The following NUCKS1 variants were observed in gnomAD, a reference collection of about 807,000 sequenced individuals.
NUCKS1 encodes nuclear ubiquitous casein and cyclin-dependent kinase substrate 1.
Under a neutral mutation model 33.0 loss-of-function variants are expected in NUCKS1, and 2 were observed. The observed-to-expected ratio is 0.06, with a 90% CI of 0.02 to 0.19. The LOEUF is 0.19. NUCKS1 is among the 10% of genes least tolerant of loss of function. NUCKS1 has a pLI of 1.00. For synonymous variants in NUCKS1, 106 were observed against 102.8 expected (o/e 1.03, Z -0.19); for missense variants, 201 against 293.6 (o/e 0.68, Z 2.31).
chr1:205,722,149 C>T (rs1671929960), intron 4 of NUCKS1, among the ~76,000 whole-genome samples: 1 of 151,730 alleles, frequency 6.6e-6, no homozygotes, highest in South Asian at 2.1e-4. Flanking sequence ...AATCTTGGCT[C>T]ATTGCAGCCT....
At chr1:205,747,300 C>A (rs767458967) in intron 1 of NUCKS1, among the ~76,000 whole-genome samples, 8 of 152,098 alleles carry the variant, frequency 5.3e-5, no homozygotes, top group Non-Finnish European at 1.0e-4. Flanking sequence ...AGTGAGTTTG[C>A]CTAAACCTCT....
intron 3 of NUCKS1, 107 bp downstream of exon 3, chr1:205,727,593 A>C (rs1046522020): frequency 2.6e-6 from 2 of 756,132 alleles, no homozygotes; most frequent in Admixed American, 2.1e-5. Context: ...GTGGACAGTA[A>C]GTACTTTTCA....
intron 1 of NUCKS1, among the ~76,000 whole-genome samples, chr1:205,734,450 T>C (rs1443247824): frequency 6.6e-6 from 1 of 151,996 alleles, no homozygotes. Flanking sequence ...AAGCAAAATA[T>C]GAATATAGAA....
In NUCKS1 at chr1:205,746,854, G is replaced by GT. The variant is rs563003577; in HGVS notation, c.17+3102dup. ...TACAATCTCAAGTGTTAAACAAAAG[G>GT]TATCAAGCACACTTAGGTTACAAGG... is the stretch of plus-strand genomic sequence containing the variant. On this transcript the variant is annotated intron_variant, in intron 1 of 6. Coordinates refer to ENST00000367142, the MANE Select transcript of NUCKS1 (RefSeq NM_022731.5). Among the ~76,000 whole-genome samples, 96 of 152,248 alleles carry GT rather than the reference G, an allele frequency of 6.3e-4. 1 individual carries two copies. Among genetic ancestry groups the GT allele is most frequent in the Middle Eastern group, 3.4e-3 (1 of 294 alleles).
intron 1 of NUCKS1, among the ~76,000 whole-genome samples, chr1:205,740,998 GT>G (rs902278240): frequency 2.6e-5 from 4 of 151,874 alleles, no homozygotes; most frequent in African/African-American, 9.7e-5. Flanking sequence ...ATAGGAAAAT[GT>G]TTTCTTTTAA....
chr1:205,718,298 G>A lies in NUCKS1; in HGVS notation c.714C>T (p.Ala238=). The A allele has an allele frequency of 2.5e-6, 4 of 1,611,278 alleles. No individual in the cohort carries two copies. The highest frequency in any genetic ancestry group is 3.4e-6 in the Non-Finnish European group (4 of 1,179,588). ...KSGDEGSEDE[A]PSGED ...ATCACTTTTAATCCTCCCCAGAAGG[G>A]GCTTCATCTTCAGACCCTTCATCCC... Residue 238 remains alanine, a synonymous_variant, in exon 7 of 7, where the codon GCC becomes GCT. Transcript: ENST00000367142.
chr1:205,721,068 C>T (rs1671907799), intron 4 of NUCKS1, among the ~76,000 whole-genome samples: 1 of 145,744 alleles, frequency 6.9e-6, no homozygotes, highest in Non-Finnish European at 1.5e-5. Flanking sequence ...AATGAGAACA[C>T]ATGGACACAG....
chr1:205,723,533 T>TC (rs1671956306), intron 4 of NUCKS1, among the ~76,000 whole-genome samples: 1 of 152,062 alleles, frequency 6.6e-6, no homozygotes, highest in Non-Finnish European at 1.5e-5. Flanking sequence ...AGTCCACCAC[T>TC]CCCCCTTTTT....
At chr1:205,747,523 G>A (rs371647694) in intron 1 of NUCKS1, among the ~76,000 whole-genome samples, 8 of 152,192 alleles carry the variant, frequency 5.3e-5, no homozygotes, top group African/African-American at 9.6e-5. Context: ...TGATGCTAAG[G>A]TGCCATAGGT....
chr1:205,737,566 G>A (rs1039669568), intron 1 of NUCKS1, among the ~76,000 whole-genome samples: 5 of 152,174 alleles, frequency 3.3e-5, no homozygotes, highest in African/African-American at 1.2e-4. Flanking sequence ...CATTCTGCCT[G>A]TATTTCTCCA....
Position 205,750,043 on chromosome 1 carries a change from G to T in NUCKS1, c.-70C>A. The T allele has an allele frequency of 7.9e-7, 1 of 1,271,636 alleles. No homozygotes were observed. Among genetic ancestry groups the T allele is most frequent in the Non-Finnish European group, 1.0e-6 (1 of 984,484 alleles). 78.8% of individuals were successfully genotyped at this position (1,271,636 alleles called of 1,614,324 possible). On this transcript the variant is annotated 5_prime_UTR_variant, in exon 1 of 7. Transcript: ENST00000367142. ...ACCCCCCCCACCCCGCGCGCTCGGC[G>T]CCCCACCCCCCCCGAACTTCAGCCG...
At chr1:205,730,514 A>C (rs1197299824) in intron 1 of NUCKS1, among the ~76,000 whole-genome samples, 1 of 151,264 alleles carries the variant, frequency 6.6e-6, no homozygotes, top group Non-Finnish European at 1.5e-5. Context: ...TTTGAGATGA[A>C]GTCTTGCCCT....
chr1:205,723,848 A>C, intron 4 of NUCKS1, 78 bp downstream of exon 4: 1 of 1,043,668 alleles, frequency 9.6e-7, no homozygotes, highest in Non-Finnish European at 1.4e-6. Flanking sequence ...TGCCTGGCAT[A>C]GAAATCACTT....
intron 1 of NUCKS1, 21 bp downstream of exon 1, chr1:205,749,936 G>A (rs1418612632): frequency 6.2e-7 from 1 of 1,603,292 alleles, no homozygotes. Context: ...ACCCGCTCCA[G>A]GCCTCAGACT....
chr1:205,732,316 G>A (rs1194683151), intron 1 of NUCKS1, among the ~76,000 whole-genome samples: 1 of 152,150 alleles, frequency 6.6e-6, no homozygotes, highest in African/African-American at 2.4e-5. Context: ...ATGTACATGA[G>A]GGACCTAGAG....
At chr1:205,737,654 CTAA>C (rs1353245532) in intron 1 of NUCKS1, among the ~76,000 whole-genome samples, 2 of 152,158 alleles carry the variant, frequency 1.3e-5, no homozygotes, top group African/African-American at 4.8e-5. Flanking sequence ...TTCTTTTGCT[CTAA>C]TAAATTTTTA....
chr1:205,744,630 G>GATTTTTTTT (rs1421044860), intron 1 of NUCKS1, among the ~76,000 whole-genome samples: 1 of 87,786 alleles, frequency 1.1e-5, no homozygotes, highest in Non-Finnish European at 2.0e-5. Context: ...GTTCACTAGA[G>GATTTTTTTT]TTTTTTTTTT....
Position 205,723,984 on chromosome 1 carries a change from A to G in NUCKS1, c.174-3T>C. 6.2e-7 allele frequency: 1 copy of G among 1,609,916 alleles called. No homozygotes were observed. Among genetic ancestry groups the G allele is most frequent in the Non-Finnish European group, 8.5e-7 (1 of 1,176,380 alleles). On this transcript the variant is annotated splice_region_variant and splice_polypyrimidine_tract_variant and intron_variant, in intron 3 of 6. Transcript: ENST00000367142. ...CATCTTTGTCTTCTGAGTCCTCACT[A>G]TAAAGGGAGGCAAAAAAGCAAATGC...
In NUCKS1 at chr1:205,729,452, T is replaced by TGACA. The variant is rs578093880; in HGVS notation, c.67+119_67+120insTGTC. 162 of 781,132 alleles carry TGACA rather than the reference T, an allele frequency of 2.1e-4. 1 individual carries two copies. In the African/African-American group the frequency reaches 2.5e-3, roughly 12 times the overall value. 48.4% of individuals were successfully genotyped at this position (781,132 alleles called of 1,614,324 possible). A position where few individuals can be genotyped will look rare whatever the true frequency, so the allele number is the denominator to read the frequency against. ...GGTTGACACAGATCATGACATGGTT[T>TGACA]TGGTAAATGATCTAAAAATAAAAAA... On this transcript the variant is annotated intron_variant, in intron 2 of 6. Transcript: ENST00000367142.
Sources: gnomAD v4.1 joint callset for allele counts (sites outside exome capture counted in the v4.1 genomes callset) on GRCh38, gnomAD v4.1.1 for gene constraint, MANE v1.5 for transcripts, NCBI Gene and HGNC (gene_info 2026-07-23, HGNC 2026-07-21) for gene names.